CYP4X1: variants seen among roughly 807,000 people sequenced by gnomAD.
CYP4X1 encodes the protein cytochrome P450 4X1.
In CYP4X1, 44 loss-of-function variants were observed where a neutral mutation model predicts 57.9. The ratio of observed to expected loss-of-function variants is 0.76; its 90% CI spans 0.60 to 0.98. The LOEUF (loss-of-function observed/expected upper bound fraction) is 0.98. CYP4X1 is among the 50% of genes least tolerant of loss of function. The pLI, the probability that CYP4X1 is intolerant of heterozygous loss-of-function variation, is 0.00. For missense variants in CYP4X1, 532 were observed against 623.9 expected (o/e 0.85, Z 1.57); for synonymous variants, 227 against 228.6 (o/e 0.99, Z 0.06).
the CYP4X1 span, among the ~76,000 whole-genome samples, chr1:46,994,712 G>A: frequency 6.6e-6 from 1 of 152,170 alleles, no homozygotes; most frequent in Admixed American, 6.5e-5. Flanking sequence ...TTCGTGAGCT[G>A]TCCATAGTAA....
At chr1:47,049,924 A>G (rs1393659) in intron 11 of CYP4X1, 76 bp from the exon 12 acceptor site, 1 of 1,424,164 alleles carries the variant, frequency 7.0e-7, no homozygotes, top group Non-Finnish European at 9.7e-7. Context: ...CTTCAGACTT[A>G]TTGTACTAGT....
the CYP4X1 span, among the ~76,000 whole-genome samples, chr1:46,974,590 TTTTA>T: frequency 1.3e-5 from 2 of 152,008 alleles, no homozygotes; most frequent in Non-Finnish European, 2.9e-5. Flanking sequence ...TAAGGTCTTA[TTTTA>T]TTTATATATA....
intron 1 of CYP4X1, among the ~76,000 whole-genome samples, chr1:47,028,550 G>A (rs773640720): frequency 4.6e-5 from 7 of 152,124 alleles, no homozygotes; most frequent in South Asian, 4.1e-4. Context: ...TGTAGTACCC[G>A]TTTTCAAGTG....
chr1:47,043,147 A>G (rs1644264303), intron 8 of CYP4X1, among the ~76,000 whole-genome samples: 1 of 152,114 alleles, frequency 6.6e-6, no homozygotes, highest in Non-Finnish European at 1.5e-5. Context: ...GATTATGGCC[A>G]TTCTTGCAGG....
chr1:47,019,656 C>T (rs1364680742), upstream of CYP4X1, among the ~76,000 whole-genome samples: 1 of 152,162 alleles, frequency 6.6e-6, no homozygotes, highest in Non-Finnish European at 1.5e-5. Flanking sequence ...AACTGATCTC[C>T]CTAGTTCTAG....
the CYP4X1 span, chr1:46,961,610 T>C: frequency 7.8e-7 from 1 of 1,285,760 alleles, no homozygotes; most frequent in African/African-American, 1.5e-5. Flanking sequence ...CCTGGACCTG[T>C]GTCCTATGCC....
intron 8 of CYP4X1, among the ~76,000 whole-genome samples, chr1:47,042,436 C>G (rs1294583431): frequency 1.3e-5 from 2 of 151,930 alleles, no homozygotes; most frequent in Non-Finnish European, 2.9e-5. Flanking sequence ...TCTTCAATTT[C>G]TTTCACCAGT....
intron 8 of CYP4X1, among the ~76,000 whole-genome samples, chr1:47,041,742 T>C (rs952985824): frequency 2.0e-5 from 3 of 152,038 alleles, no homozygotes; most frequent in Non-Finnish European, 2.9e-5. Flanking sequence ...CTCTTCACTA[T>C]GTTGATTGTT....
chr1:46,967,270 CA>C, the CYP4X1 span, among the ~76,000 whole-genome samples: 1 of 152,288 alleles, frequency 6.6e-6, no homozygotes, highest in African/African-American at 2.4e-5. Context: ...CAAGAAAATC[CA>C]ATTCAAATGT....
chr1:46,978,132 C>A, the CYP4X1 span, among the ~76,000 whole-genome samples: 26 of 151,998 alleles, frequency 1.7e-4, no homozygotes, highest in Admixed American at 1.3e-3. Context: ...ACAATATTAA[C>A]CTTAAATGTA....
At chr1:46,999,006 A>ATG in the CYP4X1 span, among the ~76,000 whole-genome samples, 1 of 141,290 alleles carries the variant, frequency 7.1e-6, no homozygotes, top group Non-Finnish European at 1.5e-5. Flanking sequence ...AGGTAATTTG[A>ATG]TGCCTTGGGC....
chr1:47,044,472 A>G (rs982745895), intron 8 of CYP4X1, among the ~76,000 whole-genome samples: 4 of 152,204 alleles, frequency 2.6e-5, no homozygotes, highest in Non-Finnish European at 5.9e-5. Flanking sequence ...TATTGTAGCA[A>G]CAGTCATTTT....
chr1:47,027,091 T>G (rs1488863374), intron 1 of CYP4X1, among the ~76,000 whole-genome samples: 1 of 152,192 alleles, frequency 6.6e-6, no homozygotes, highest in East Asian at 1.9e-4. Flanking sequence ...AATTTATTTG[T>G]TTTGTTCTTT....
chr1:46,980,463 C>G, the CYP4X1 span, among the ~76,000 whole-genome samples: 9 of 152,158 alleles, frequency 5.9e-5, no homozygotes, highest in East Asian at 1.9e-4. Context: ...AACCACTGCT[C>G]AATGAAATAA....
the CYP4X1 span, among the ~76,000 whole-genome samples, chr1:47,008,650 C>T: frequency 2.0e-5 from 3 of 152,106 alleles, no homozygotes; most frequent in Non-Finnish European, 2.9e-5. Context: ...AGAGTCAAGA[C>T]CCATCAGTGT....
At chr1:46,965,738 G>GCTGCATTGCAGCAGGGGTC in the CYP4X1 span, among the ~76,000 whole-genome samples, 1 of 152,234 alleles carries the variant, frequency 6.6e-6, no homozygotes, top group African/African-American at 2.4e-5. Context: ...CAGCAGGTGT[G>GCTGCATTGCAGCAGGGGTC]CTGCATTGCA....
downstream of CYP4X1, among the ~76,000 whole-genome samples, chr1:47,052,674 A>G (rs1237418022): frequency 1.3e-5 from 2 of 152,218 alleles, no homozygotes; most frequent in East Asian, 3.8e-4. Flanking sequence ...CAATCAGATT[A>G]TCTCACTGAC....
chr1:46,963,879 A>C, the CYP4X1 span, among the ~76,000 whole-genome samples: 8 of 152,224 alleles, frequency 5.3e-5, no homozygotes, highest in Non-Finnish European at 1.2e-4. Flanking sequence ...TTTCAGGTAC[A>C]CCAATCAGAC....
chr1:47,054,281 T>A (rs1644379035), downstream of CYP4X1, among the ~76,000 whole-genome samples: 2 of 152,082 alleles, frequency 1.3e-5, no homozygotes, highest in South Asian at 4.1e-4. Flanking sequence ...GATCTATATC[T>A]CTGTTTTGGT....
Sources: allele counts gnomAD v4.1 joint callset (sites outside exome capture counted in the v4.1 genomes callset), GRCh38; gene constraint gnomAD v4.1.1; transcripts MANE v1.5; gene names NCBI Gene and HGNC (gene_info 2026-07-23, HGNC 2026-07-21).